Variants in ZBTB38 observed in about 807,000 individuals in gnomAD.
The protein encoded by ZBTB38 is zinc finger and BTB domain containing 38.
A neutral mutation model predicts 76.8 loss-of-function variants in ZBTB38; 20 were observed. That is an observed-to-expected ratio of 0.26 (90% CI 0.18 to 0.38). ZBTB38 has a LOEUF of 0.38. Ranked by LOEUF, ZBTB38 falls within the 10% of genes least tolerant of loss-of-function variation. The pLI, the probability that ZBTB38 is intolerant of heterozygous loss-of-function variation, is 1.00. For synonymous variants in ZBTB38, 504 were observed against 544.2 expected (o/e 0.93, Z 1.03); for missense variants, 1,082 against 1,482.3 (o/e 0.73, Z 4.43).
At chr3:141,393,151 A>G (rs1949385744) in intron 4 of ZBTB38, among the ~76,000 whole-genome samples, 1 of 152,224 alleles carries the variant, frequency 6.6e-6, no homozygotes, top group South Asian at 2.1e-4. Flanking sequence ...GCTCATGAAA[A>G]GCAGTGGAGG....
At chr3:141,331,791 A>G (rs1160162404) in intron 1 of ZBTB38, among the ~76,000 whole-genome samples, 2 of 152,224 alleles carry the variant, frequency 1.3e-5, no homozygotes, top group African/African-American at 2.4e-5. Context: ...TGACCGAGCC[A>G]GGAAGCTGCT....
At chr3:141,336,541 G>A (rs1035421567) in intron 1 of ZBTB38, among the ~76,000 whole-genome samples, 3 of 152,068 alleles carry the variant, frequency 2.0e-5, no homozygotes, top group African/African-American at 7.3e-5. Flanking sequence ...TAGAGATGGA[G>A]TCTCACTGTG....
chr3:141,341,491 A>G (rs531672769), intron 1 of ZBTB38, among the ~76,000 whole-genome samples: 1 of 152,376 alleles, frequency 6.6e-6, no homozygotes, highest in African/African-American at 2.4e-5. Flanking sequence ...GATGGTATCC[A>G]TATATACAAT....
chr3:141,351,822 C>T (rs968794329), intron 1 of ZBTB38, among the ~76,000 whole-genome samples: 7 of 151,210 alleles, frequency 4.6e-5, no homozygotes, highest in Admixed American at 2.6e-4. Flanking sequence ...TAAGTGCAAT[C>T]GTGATCTAAC....
At position 141,449,325 on chromosome 3, in the gene ZBTB38, G is replaced by A. The variant is rs1405978265; in HGVS notation, c.*3349G>A. ...ACAGGATTAAAGGAGGCTGTGTCAG[G>A]TTCAGCTTCCCCTGAATTGGGCTTC... On this transcript the variant is annotated 3_prime_UTR_variant, in exon 6 of 6. Coordinates refer to ENST00000321464, the MANE Select transcript of ZBTB38 (RefSeq NM_001376113.1). The A allele has an allele frequency of 6.6e-6, 1 of 152,170 alleles. No homozygotes were observed. Among genetic ancestry groups the A allele is most frequent in the African/African-American group, 2.4e-5 (1 of 41,426 alleles). The allele number at this position is 152,170 out of a possible 1,614,324, so 9.4% of individuals were successfully genotyped here. A position where few individuals can be genotyped will look rare whatever the true frequency, so the allele number is the denominator to read the frequency against.
intron 1 of ZBTB38, among the ~76,000 whole-genome samples, chr3:141,347,418 G>T (rs1943394454): frequency 6.6e-6 from 1 of 152,154 alleles, no homozygotes; most frequent in South Asian, 2.1e-4. Context: ...GAGCCATAGA[G>T]GCATGTACAC....
chr3:141,344,120 A>C (rs116629994), intron 1 of ZBTB38, among the ~76,000 whole-genome samples: 1 of 152,194 alleles, frequency 6.6e-6, no homozygotes, highest in Non-Finnish European at 1.5e-5. Context: ...GCTATGTTTT[A>C]GTTGGCTGCT....
At chr3:141,394,317 G>C (rs1229921415) in intron 4 of ZBTB38, 1 of 152,208 alleles carries the variant, frequency 6.6e-6, no homozygotes, top group Non-Finnish European at 1.5e-5. Flanking sequence ...CGCCCAGCCT[G>C]AACTTTCCAT....
chr3:141,387,144 C>T (rs970368229), intron 4 of ZBTB38: 1 of 152,308 alleles, frequency 6.6e-6, no homozygotes, highest in South Asian at 2.1e-4. Context: ...GTAGCGAAGA[C>T]TTGTTTTTGC....
upstream of ZBTB38, among the ~76,000 whole-genome samples, chr3:141,367,961 G>T (rs2148976935): frequency 6.6e-6 from 1 of 152,286 alleles, no homozygotes; most frequent in Non-Finnish European, 1.5e-5. Flanking sequence ...GTTCATGTTG[G>T]CACCCAGGGT....
chr3:141,426,060 G>A (rs1263462599), intron 5 of ZBTB38: 2 of 1,088,804 alleles, frequency 1.8e-6, no homozygotes, highest in Non-Finnish European at 2.5e-6. Flanking sequence ...GTCAAATGAT[G>A]TCACAATGGG....
chr3:141,419,682 G>A lies in ZBTB38; in HGVS notation c.-1+15651G>A, dbSNP rs537390636. On this transcript the variant is annotated intron_variant, in intron 5 of 5. Transcript: ENST00000321464. Reference sequence around the variant, plus strand: ...AGCATCGTAAGAAGGAAAATAAGGAGGGGTGTATGAAAGAGATTTGTAGGC... The same window carrying A: ...AGCATCGTAAGAAGGAAAATAAGGAAGGGTGTATGAAAGAGATTTGTAGGC... Among the ~76,000 whole-genome samples the A allele has an allele frequency of 4.6e-5, 7 of 152,216 alleles. No individual in the cohort carries two copies. In the South Asian group the frequency reaches 1.0e-3, roughly 23 times the overall value.
At chr3:141,431,427 C>G (rs2077586312) in intron 5 of ZBTB38, among the ~76,000 whole-genome samples, 2 of 150,048 alleles carry the variant, frequency 1.3e-5, no homozygotes, top group Admixed American at 6.6e-5. Flanking sequence ...CAAAAGGCTT[C>G]AGAGAGATTC....
At chr3:141,376,922 C>T (rs1384624443) in intron 2 of ZBTB38, among the ~76,000 whole-genome samples, 1 of 152,218 alleles carries the variant, frequency 6.6e-6, no homozygotes, top group Admixed American at 6.5e-5. Context: ...GTGGTCCCAC[C>T]CTTGCCTCTC....
Position 141,338,792 on chromosome 3 carries a change from C to T in ZBTB38, c.-739+14336C>T, listed in dbSNP as rs528381569. ...AATCTGCACATTGTACCCCCTGAAC[C>T]GAAAAAGAAAGTTGGAAAGTTGGAA... On this transcript the variant is annotated intron_variant, in intron 1 of 7. Coordinates refer to the ZBTB38 transcript ENST00000509842. Among the ~76,000 whole-genome samples, 5 of 151,984 alleles carry T rather than the reference C, an allele frequency of 3.3e-5. No homozygotes were observed. The East Asian group carries it at 5.8e-4, about 18-fold the overall frequency.
intron 1 of ZBTB38, among the ~76,000 whole-genome samples, chr3:141,353,001 C>G (rs1943564759): frequency 1.3e-5 from 2 of 152,016 alleles, no homozygotes; most frequent in African/African-American, 4.8e-5. Context: ...ACCAACAAAC[C>G]CTGACCTCCC....
At chr3:141,406,844 T>G (rs1954679015) in intron 5 of ZBTB38, among the ~76,000 whole-genome samples, 2 of 152,120 alleles carry the variant, frequency 1.3e-5, no homozygotes, top group Admixed American at 6.6e-5. Context: ...AGGGATGAGC[T>G]TAGGAAGACT....
chr3:141,351,170 C>G (rs1010689604), intron 1 of ZBTB38, among the ~76,000 whole-genome samples: 1 of 152,086 alleles, frequency 6.6e-6, no homozygotes, highest in African/African-American at 2.4e-5. Context: ...GAAAGGAATG[C>G]TAGGGGCTCC....
At position 141,430,513 on chromosome 3, in the gene ZBTB38, T is replaced by C. The variant is rs1278723483; in HGVS notation, c.1-11876T>C. Among the ~76,000 whole-genome samples the C allele has an allele frequency of 6.6e-5, 10 of 152,356 alleles. No homozygotes were observed. In the East Asian group the frequency reaches 1.7e-3, roughly 26 times the overall value. On this transcript the variant is annotated intron_variant, in intron 5 of 5. Transcript: ENST00000321464. ...TTCTTGAACCCCCTGCCAGGTGCCA[T>C]GGACCACACTTGGTGCTTTTCAGGC... is the stretch of plus-strand genomic sequence containing the variant.
Sources: gnomAD v4.1 joint callset for allele counts (sites outside exome capture counted in the v4.1 genomes callset) on GRCh38, gnomAD v4.1.1 for gene constraint, MANE v1.5 for transcripts, NCBI Gene and HGNC (gene_info 2026-07-23, HGNC 2026-07-21) for gene names.